GREB1: variants seen among roughly 807,000 people sequenced by gnomAD.
GREB1 encodes the protein protein GREB1.
In GREB1, 106 loss-of-function variants were observed where a neutral mutation model predicts 200.7. The ratio of observed to expected loss-of-function variants is 0.53; its 90% CI spans 0.45 to 0.62. GREB1 has a LOEUF of 0.62. GREB1 is among the 20% of genes least tolerant of loss of function. The pLI, the probability that GREB1 is intolerant of heterozygous loss-of-function variation, is 0.00. For synonymous variants in GREB1, 1,132 were observed against 1,092.4 expected (o/e 1.04, Z -0.72); for missense variants, 2,243 against 2,556.8 (o/e 0.88, Z 2.65).
At chr2:11,584,678 A>G (rs1434070803) in intron 7 of GREB1, 2 of 153,140 alleles carry the variant, frequency 1.3e-5, no homozygotes, top group African/African-American at 4.8e-5. Flanking sequence ...CACCTTTCAG[A>G]GTAGGATTTA....
chr2:11,641,392 G>A lies in GREB1; in HGVS notation c.*938G>A, dbSNP rs1241887200. The A allele has an allele frequency of 6.6e-6, 1 of 152,236 alleles. No homozygotes were observed. Among genetic ancestry groups the A allele is most frequent in the Non-Finnish European group, 1.5e-5 (1 of 68,056 alleles). The allele number at this position is 152,236 out of a possible 1,614,324, so 9.4% of individuals were successfully genotyped here. A position where few individuals can be genotyped will look rare whatever the true frequency, so the allele number is the denominator to read the frequency against. On this transcript the variant is annotated 3_prime_UTR_variant, in exon 33 of 33. Coordinates refer to ENST00000381486, the MANE Select transcript of GREB1 (RefSeq NM_014668.4). ...GGAAGAATCTCACTTGACTAGAGAG[G>A]AGGTGGGAACAGAAGAGAGAAGGAG...
rs574765267 is a variant in GREB1, at chr2:11,623,984, T to G, written c.4148-1170T>G. 4.7e-4 allele frequency among the ~76,000 whole-genome samples: 71 copies of G among 152,254 alleles called. 2 individuals are homozygous for G. The South Asian group carries it at 0.015, about 31-fold the overall frequency. ...AATAAGGATATCAAGAAAGAAGACATTTTTGATCAGTTGCACAATGTGTTT... is the reference window on the plus strand; with the variant it reads ...AATAAGGATATCAAGAAAGAAGACAGTTTTGATCAGTTGCACAATGTGTTT... On this transcript the variant is annotated intron_variant, in intron 23 of 32. Transcript: ENST00000381486.
chr2:11,554,230 T>C (rs1676217592), intron 1 of GREB1, among the ~76,000 whole-genome samples: 1 of 152,172 alleles, frequency 6.6e-6, no homozygotes, highest in Non-Finnish European at 1.5e-5. Flanking sequence ...CCTGAAGCAA[T>C]CTTCCCACAG....
intron 30 of GREB1, among the ~76,000 whole-genome samples, chr2:11,636,800 G>GCAGAGGCAGGGA (rs1558675337): frequency 7.0e-6 from 1 of 143,524 alleles, no homozygotes; most frequent in Non-Finnish European, 1.6e-5. Flanking sequence ...ATGGGCAGGG[G>GCAGAGGCAGGGA]CAGAGGCAGG....
intron 10 of GREB1, chr2:11,591,368 A>G: frequency 1.4e-6 from 1 of 733,236 alleles, no homozygotes; most frequent in Admixed American, 1.9e-5. Flanking sequence ...CCACCTTCTA[A>G]ATGGAAGCCT....
intron 1 of GREB1, among the ~76,000 whole-genome samples, chr2:11,535,939 A>G (rs41408044): frequency 0.24 from 36,308 of 151,852 alleles, 5,925 homozygotes; most frequent in African/African-American, 0.46. Context: ...TGTAAAATGC[A>G]AACACTACCT....
At chr2:11,612,689 C>G in intron 19 of GREB1, 79 bp downstream of exon 19, 1 of 853,300 alleles carries the variant, frequency 1.2e-6, no homozygotes, top group South Asian at 1.4e-5. Flanking sequence ...GTCAGGGGGG[C>G]TGCTGTGCCC....
At position 11,589,003 on chromosome 2, in the gene GREB1, C is replaced by T. The variant is rs543967489; in HGVS notation, c.1345+72C>T. ...CCCGAGCACAGACCTGGCCTCGGCC[C>T]TCGTGGGGGCTGACTTGGGCTGCTG... On this transcript the variant is annotated intron_variant, in intron 10 of 32. Coordinates refer to ENST00000381486, the MANE Select transcript of GREB1 (RefSeq NM_014668.4). 28 of 1,188,924 alleles carry T rather than the reference C, an allele frequency of 2.4e-5. 1 individual carries two copies. In the Admixed American group the frequency reaches 3.8e-4, roughly 16 times the overall value. 73.6% of individuals were successfully genotyped at this position (1,188,924 alleles called of 1,614,324 possible). A position where few individuals can be genotyped will look rare whatever the true frequency, so the allele number is the denominator to read the frequency against.
rs1228777995 is a variant in GREB1 at position 11,598,809 on chromosome 2, C to T, written c.2282C>T (p.Pro761Leu). Residue 761 changes from proline to leucine, a missense_variant, in exon 15 of 33, where the codon CCG becomes CTG. Transcript: ENST00000381486. ...KAFLQNSFQN[P>L]HTLFVLIHDH... The stretch of plus-strand genomic sequence containing the variant: ...TTTCTGCAAAACTCCTTCCAGAACC[C>T]GCATACACTTTTTGTCCTAATCCAT... The T allele has an allele frequency of 1.4e-5, 23 of 1,614,034 alleles. No individual in the cohort carries two copies. Among genetic ancestry groups the T allele is most frequent in the South Asian group, 2.2e-5 (2 of 91,088 alleles).
intron 7 of GREB1, chr2:11,581,236 C>T: frequency 1.8e-6 from 1 of 551,212 alleles, no homozygotes; most frequent in Non-Finnish European, 3.2e-6. Context: ...GGACCTTGGC[C>T]AAGTCTCAAT....
intron 10 of GREB1, among the ~76,000 whole-genome samples, chr2:11,592,570 A>T (rs1680840088): frequency 6.6e-6 from 1 of 152,154 alleles, no homozygotes. Context: ...ATGGAAAAAA[A>T]GACTGAGAAA....
At chr2:11,502,047 G>T (rs1673063041) in intron 1 of GREB1, among the ~76,000 whole-genome samples, 1 of 150,412 alleles carries the variant, frequency 6.6e-6, no homozygotes, top group African/African-American at 2.5e-5. Context: ...CTCCTGAGTA[G>T]CTGGGATTAC....
chr2:11,586,789 G>A (rs980636035), intron 9 of GREB1, among the ~76,000 whole-genome samples: 38 of 152,368 alleles, frequency 2.5e-4, no homozygotes, highest in Middle Eastern at 3.4e-3. Context: ...GGGTATTCAG[G>A]AAGTAGAGTG....
At chr2:11,621,047 C>G in intron 23 of GREB1, 40 bp downstream of exon 23, 1 of 1,083,166 alleles carries the variant, frequency 9.2e-7, no homozygotes, top group Admixed American at 1.7e-5. Context: ...TTGGAGCCAC[C>G]TTCATCACTT....
intron 1 of GREB1, among the ~76,000 whole-genome samples, chr2:11,538,681 CT>C (rs1558510936): frequency 5.6e-5 from 3 of 54,020 alleles, no homozygotes; most frequent in East Asian, 1.3e-3. Context: ...TTCTTTCTTT[CT>C]TTCTTTCCTT....
chr2:11,541,384 C>T (rs1026559254), intron 1 of GREB1, among the ~76,000 whole-genome samples: 6 of 151,770 alleles, frequency 4.0e-5, no homozygotes, highest in South Asian at 2.1e-4. Flanking sequence ...TATCACACCG[C>T]TTGAGGCTCT....
In GREB1 at chr2:11,597,878, A is replaced by G. The variant is rs557650096; in HGVS notation, c.2052A>G (p.Gln684=). 5.6e-6 allele frequency: 9 copies of G among 1,614,152 alleles called. No homozygotes were observed. The African/African-American group carries it at 9.3e-5, about 17-fold the overall frequency. Residue 684 remains glutamine (Q), a synonymous_variant, in exon 14 of 33, where the codon CAA becomes CAG. Transcript: ENST00000381486. This position sits in a 1 kb window ranked among gnomAD's most constrained non-coding sequence, Gnocchi z 4.1. ...GTTCCATTGCGGATTCCAGCACCCA[A>G]AATCTGGACCTGGGATCCTTTGAGA... The part of the protein sequence containing the change: ...HVCSIADSST[Q]NLDLGSFEKV...
intron 1 of GREB1, among the ~76,000 whole-genome samples, chr2:11,555,432 AAAAC>A (rs1205222633): frequency 2.6e-5 from 4 of 152,370 alleles, no homozygotes; most frequent in Middle Eastern, 3.4e-3. Flanking sequence ...AGGAAAAACA[AAAAC>A]AATAAAAATG....
chr2:11,561,505 A>G (rs546161771), intron 2 of GREB1, among the ~76,000 whole-genome samples: 1 of 152,042 alleles, frequency 6.6e-6, no homozygotes, highest in South Asian at 2.1e-4. Context: ...CTGGGATTAC[A>G]GGCACACACT....
Sources: allele counts gnomAD v4.1 joint callset (sites outside exome capture counted in the v4.1 genomes callset), GRCh38; gene constraint gnomAD v4.1.1; non-coding constraint Gnocchi (gnomAD v3.1); transcripts MANE v1.5; gene names NCBI Gene and HGNC (gene_info 2026-07-23, HGNC 2026-07-21).